Variants in EXT1 observed in about 807,000 individuals in gnomAD.
EXT1 encodes exostosin glycosyltransferase 1.
A neutral mutation model predicts 82.5 loss-of-function variants in EXT1; 20 were observed. That is an observed-to-expected ratio of 0.24 (90% CI 0.17 to 0.35). The LOEUF (loss-of-function observed/expected upper bound fraction) is 0.35. EXT1 is among the 10% of genes least tolerant of loss of function. The pLI is 1.00. For missense variants in EXT1, 757 were observed against 936.5 expected (o/e 0.81, Z 2.50); for synonymous variants, 348 against 350.8 (o/e 0.99, Z 0.09).
intron 1 of EXT1, among the ~76,000 whole-genome samples, chr8:117,998,002 G>T (rs1456293984): frequency 7.0e-6 from 1 of 143,518 alleles, no homozygotes; most frequent in Non-Finnish European, 1.5e-5. Flanking sequence ...GAGAAATTCT[G>T]CATTTTATTT....
chr8:117,834,982 T>C (rs925355621), intron 3 of EXT1, among the ~76,000 whole-genome samples: 3 of 152,116 alleles, frequency 2.0e-5, no homozygotes, highest in Admixed American at 6.5e-5. Context: ...ATCCTAAAGA[T>C]AACACTCGCT....
At chr8:118,065,146 C>CCCCT (rs1438611907) in intron 1 of EXT1, among the ~76,000 whole-genome samples, 1 of 152,150 alleles carries the variant, frequency 6.6e-6, no homozygotes, top group Non-Finnish European at 1.5e-5. Context: ...AGTCACCGCC[C>CCCCT]CTGGCCTTTC....
chr8:118,027,017 G>A (rs1236675044), intron 1 of EXT1, among the ~76,000 whole-genome samples: 1 of 152,168 alleles, frequency 6.6e-6, no homozygotes, highest in East Asian at 1.9e-4. Context: ...GAGGCAGGAG[G>A]ATTGCCTGAG....
At chr8:117,996,998 G>C (rs1001484560) in intron 1 of EXT1, among the ~76,000 whole-genome samples, 4 of 152,146 alleles carry the variant, frequency 2.6e-5, no homozygotes, top group Non-Finnish European at 5.9e-5. Flanking sequence ...CACACAATGA[G>C]AGATAAAGTG....
chr8:118,062,850 A>C (rs1816904411), intron 1 of EXT1, among the ~76,000 whole-genome samples: 1 of 152,098 alleles, frequency 6.6e-6, no homozygotes, highest in Non-Finnish European at 1.5e-5. Context: ...AAGACTATAT[A>C]ATTTATTCTG....
chr8:118,079,329 C>T (rs942394040), intron 1 of EXT1, among the ~76,000 whole-genome samples: 2 of 152,188 alleles, frequency 1.3e-5, no homozygotes, highest in Non-Finnish European at 2.9e-5. Flanking sequence ...GCTAATTTCC[C>T]TCTGTGCATG....
intron 1 of EXT1, among the ~76,000 whole-genome samples, chr8:118,083,877 A>C (rs1383513531): frequency 1.2e-4 from 18 of 152,036 alleles, no homozygotes; most frequent in Admixed American, 1.2e-3. Flanking sequence ...AAAATATAAA[A>C]AATTAGCCAG....
chr8:117,853,951 C>G (rs1044036533), intron 1 of EXT1, among the ~76,000 whole-genome samples: 15 of 152,360 alleles, frequency 9.8e-5, no homozygotes, highest in African/African-American at 3.6e-4. Flanking sequence ...GATGAAGTAG[C>G]AGTGAGCTTC....
At chr8:118,058,469 C>T (rs1180168196) in intron 1 of EXT1, among the ~76,000 whole-genome samples, 1 of 152,160 alleles carries the variant, frequency 6.6e-6, no homozygotes, top group Non-Finnish European at 1.5e-5. Context: ...GGATTTCTTA[C>T]TTATCCTAAC....
intron 1 of EXT1, among the ~76,000 whole-genome samples, chr8:117,857,432 C>T (rs1264816018): frequency 6.6e-6 from 1 of 152,014 alleles, no homozygotes; most frequent in South Asian, 2.1e-4. Context: ...GTGGCTCACA[C>T]CTATAATCCT....
chr8:117,957,802 T>G (rs1198399497), intron 1 of EXT1, among the ~76,000 whole-genome samples: 1 of 152,204 alleles, frequency 6.6e-6, no homozygotes, highest in African/African-American at 2.4e-5. Context: ...CTTCTCTGTG[T>G]CCAGTTCCCA....
chr8:117,809,321 T>C (rs1021678077), intron 8 of EXT1, among the ~76,000 whole-genome samples: 3 of 149,470 alleles, frequency 2.0e-5, no homozygotes, highest in African/African-American at 7.3e-5. Context: ...CTTAAAAATA[T>C]GGCTTGTTCC....
In EXT1 at chr8:118,110,831, T is replaced by C. The variant is rs756018455; in HGVS notation, c.216A>G (p.Glu72=). The part of the protein sequence containing the change: ...LRPFVPWDQL[E]NEDSSVHISP... ...AAATGTGCACGCTGGAATCCTCGTT[T>C]TCCAATTGATCCCAAGGAACGAAGG... The change falls in exon 1 of 11, where the codon GAA becomes GAG. Residue 72 remains glutamate (E), a synonymous_variant. Transcript: ENST00000378204. 1.9e-6 allele frequency: 3 copies of C among 1,612,598 alleles called. No homozygotes were observed. The highest frequency in any genetic ancestry group is 1.7e-5 in the Admixed American group (1 of 59,914).
intron 1 of EXT1, among the ~76,000 whole-genome samples, chr8:118,073,914 T>C (rs1817154338): frequency 6.6e-6 from 1 of 152,140 alleles, no homozygotes. Flanking sequence ...ACAGGCACAC[T>C]CCAGCAGGTA....
chr8:118,095,917 T>C (rs774507470), intron 1 of EXT1, among the ~76,000 whole-genome samples: 1 of 152,236 alleles, frequency 6.6e-6, no homozygotes, highest in Non-Finnish European at 1.5e-5. Context: ...ATGGAGGAAA[T>C]GGAGGCCAGC....
chr8:118,029,200 G>A lies in EXT1; in HGVS notation c.962+80885C>T, dbSNP rs370553151. Among the ~76,000 whole-genome samples the A allele has an allele frequency of 1.4e-3, 214 of 152,188 alleles. 2 individuals carry two copies. Among genetic ancestry groups the A allele is most frequent in the East Asian group, 2.1e-3 (11 of 5,156 alleles). ...TCCCAGCACTTTGGGAGGCCGTGGC[G>A]GGAGGATCGCTTGAAGCCAGGAGTT... On this transcript the variant is annotated intron_variant, in intron 1 of 10. Transcript: ENST00000378204.
intron 8 of EXT1, among the ~76,000 whole-genome samples, chr8:117,810,789 C>T (rs1384892908): frequency 6.6e-6 from 1 of 152,122 alleles, no homozygotes; most frequent in East Asian, 1.9e-4. Flanking sequence ...ATAATGGACC[C>T]CTATGGACTG....
At chr8:117,900,295 A>T (rs1813417565) in intron 1 of EXT1, among the ~76,000 whole-genome samples, 1 of 152,228 alleles carries the variant, frequency 6.6e-6, no homozygotes, top group Non-Finnish European at 1.5e-5. Context: ...CCCCAAAGGC[A>T]TGGGATTTTA....
chr8:117,912,174 C>G (rs576923553), intron 1 of EXT1, among the ~76,000 whole-genome samples: 2 of 152,030 alleles, frequency 1.3e-5, no homozygotes, highest in African/African-American at 4.8e-5. Flanking sequence ...AGAGAGAGAC[C>G]CAAATTAACA....
Sources: gnomAD v4.1 joint callset for allele counts (sites outside exome capture counted in the v4.1 genomes callset) on GRCh38, gnomAD v4.1.1 for gene constraint, MANE v1.5 for transcripts, NCBI Gene and HGNC (gene_info 2026-07-23, HGNC 2026-07-21) for gene names.